PI4KA: variants seen among roughly 807,000 people sequenced by gnomAD.
PI4KA encodes PI4-kinase alpha.
PI4KA carries 122 observed loss-of-function variants against 271.4 expected under a neutral mutation model. The ratio of observed to expected loss-of-function variants is 0.45; its 90% confidence interval spans 0.39 to 0.52. The LOEUF is 0.52. Ranked by LOEUF, PI4KA falls within the 20% of genes least tolerant of loss-of-function variation. PI4KA has a pLI of 0.00. For missense variants in PI4KA, 1,969 were observed against 2,769.1 expected (o/e 0.71, Z 6.48); for synonymous variants, 1,041 against 1,078.8 (o/e 0.96, Z 0.69).
intron 7 of PI4KA, among the ~76,000 whole-genome samples, chr22:20,815,379 C>CAACAAAAAAAAAAAAAAAAAACAAA (rs1921650592): frequency 1.2e-5 from 1 of 83,970 alleles, no homozygotes; most frequent in Non-Finnish European, 2.4e-5. Flanking sequence ...GACTGCGTCT[C>CAACAAAAAAAAAAAAAAAAAACAAA]AAAAAAAAAA....
intron 1 of PI4KA, among the ~76,000 whole-genome samples, chr22:20,841,943 C>T (rs1408058723): frequency 1.3e-5 from 2 of 152,024 alleles, no homozygotes; most frequent in Non-Finnish European, 2.9e-5. Context: ...TGGCTGGGTG[C>T]GGTGGCTCAT....
Position 20,753,143 on chromosome 22 carries a change from T to G in PI4KA, c.2829A>C (p.Val943=). The G allele has an allele frequency of 6.2e-7, 1 of 1,613,742 alleles. No individual in the cohort carries two copies. The change falls in exon 24 of 55, where the codon GTA becomes GTC. Residue 943 remains valine (V), a synonymous_variant. Transcript: ENST00000255882. ...MQCVIAVADK[V]FDAFLNMMAD... ...CCATCATGTTCAGGAAGGCATCGAA[T>G]ACTTTGTCCGCGACTGCAATCACAC...
At chr22:20,801,776 C>T (rs529302260) in intron 14 of PI4KA, among the ~76,000 whole-genome samples, 197 bp downstream of exon 14, 110 of 150,414 alleles carry the variant, frequency 7.3e-4, no homozygotes, top group African/African-American at 2.6e-3. Flanking sequence ...CCCAGCTACT[C>T]GGGGGAGGCT....
At chr22:20,777,327 C>T (rs1933380621) in intron 19 of PI4KA, among the ~76,000 whole-genome samples, 1 of 152,020 alleles carries the variant, frequency 6.6e-6, no homozygotes, top group Non-Finnish European at 1.5e-5. Flanking sequence ...AACGAATCTC[C>T]TGCCTCAGCC....
chr22:20,778,254 A>G (rs905166309), intron 19 of PI4KA, among the ~76,000 whole-genome samples: 4 of 152,162 alleles, frequency 2.6e-5, no homozygotes, highest in African/African-American at 9.6e-5. Flanking sequence ...TAATCCCAGC[A>G]CTTTGGGGGG....
chr22:20,749,537 C>G (rs757266837), intron 28 of PI4KA, among the ~76,000 whole-genome samples: 8 of 152,280 alleles, frequency 5.3e-5, no homozygotes, highest in African/African-American at 1.9e-4. Context: ...GGTCAGGCCC[C>G]TGCCTTTGGG....
In PI4KA at chr22:20,751,759, C is replaced by A. The variant is rs771650693; in HGVS notation, c.2988-4G>T. ...GCTCCAGAGCAAGTGGGGAAACCTG[C>A]ACCAAGAGCCAGCTCTCAGGACCAA... On this transcript the variant is annotated splice_polypyrimidine_tract_variant and splice_region_variant and intron_variant, in intron 25 of 54. Coordinates refer to ENST00000255882, the MANE Select transcript of PI4KA (RefSeq NM_058004.4). 8.7e-6 allele frequency: 14 copies of A among 1,613,612 alleles called. No individual in the cohort carries two copies. In the Admixed American group the frequency reaches 2.0e-4, roughly 23 times the overall value.
chr22:20,856,931 C>T (rs1033868715), intron 1 of PI4KA, among the ~76,000 whole-genome samples: 2 of 152,228 alleles, frequency 1.3e-5, no homozygotes, highest in African/African-American at 4.8e-5. Context: ...ATCCAATTCA[C>T]TGCATTCTCT....
At chr22:20,780,008 C>A in intron 19 of PI4KA, 4 of 1,614,152 alleles carry the variant, frequency 2.5e-6, no homozygotes, top group Non-Finnish European at 3.4e-6. Context: ...AGTTTCCAAT[C>A]CTGCTTGACT....
At chr22:20,782,893 AG>A (rs1402852239) in intron 19 of PI4KA, among the ~76,000 whole-genome samples, 1 of 152,200 alleles carries the variant, frequency 6.6e-6, no homozygotes, top group Non-Finnish European at 1.5e-5. Context: ...ACAGGCAGGC[AG>A]GAGCTGTCTG....
chr22:20,736,845 G>A (rs1487056309), intron 32 of PI4KA: 1 of 153,256 alleles, frequency 6.5e-6, no homozygotes, highest in Non-Finnish European at 1.5e-5. Flanking sequence ...CTACAGTAAA[G>A]GGAGGGACCT....
chr22:20,737,913 G>A (rs1243279584), intron 32 of PI4KA, among the ~76,000 whole-genome samples: 2 of 151,642 alleles, frequency 1.3e-5, no homozygotes, highest in Non-Finnish European at 3.0e-5. Flanking sequence ...TTACAGGCGT[G>A]AGCCACTGCG....
intron 41 of PI4KA, 57 bp downstream of exon 41, chr22:20,727,173 G>A (rs1927452250): frequency 3.9e-6 from 6 of 1,527,696 alleles, no homozygotes; most frequent in African/African-American, 1.4e-5. Flanking sequence ...CTCTCACCAG[G>A]TAAGACCCCT....
chr22:20,824,489 T>C (rs1025141010), intron 3 of PI4KA, 75 bp from the exon 4 acceptor site: 1 of 1,015,204 alleles, frequency 9.9e-7, no homozygotes, highest in African/African-American at 1.6e-5. Flanking sequence ...TCCAATTCAA[T>C]ATGTTCCCTC....
intron 42 of PI4KA, 137 bp downstream of exon 42, chr22:20,726,351 G>A: frequency 1.6e-5 from 10 of 622,958 alleles, no homozygotes; most frequent in Non-Finnish European, 2.6e-5. Flanking sequence ...GGGGTAGGGG[G>A]AGCAAGGGGA....
At position 20,729,617 on chromosome 22, in the gene PI4KA, A is replaced by AC; in HGVS notation, c.4488+14dup. Reference sequence around the variant, plus strand: ...GGTGGCGGGCAGCAGGCACAGCTGCACCTGTGGGCCTTACCAGCAGGGACA... The same window carrying AC: ...GGTGGCGGGCAGCAGGCACAGCTGCACCCTGTGGGCCTTACCAGCAGGGACA... On this transcript the variant is annotated intron_variant, in intron 38 of 54. Transcript: ENST00000255882. The AC allele has an allele frequency of 6.4e-7, 1 of 1,560,652 alleles. No homozygotes were observed. Among genetic ancestry groups the AC allele is most frequent in the Non-Finnish European group, 8.7e-7 (1 of 1,151,282 alleles).
intron 19 of PI4KA, among the ~76,000 whole-genome samples, chr22:20,776,298 T>C (rs1933266195): frequency 1.3e-5 from 2 of 152,094 alleles, no homozygotes; most frequent in African/African-American, 4.8e-5. Flanking sequence ...CACTCCAGCC[T>C]GGGTGACAGA....
intron 7 of PI4KA, among the ~76,000 whole-genome samples, chr22:20,817,313 T>C (rs1921937512): frequency 6.6e-6 from 1 of 152,138 alleles, no homozygotes; most frequent in Admixed American, 6.6e-5. Flanking sequence ...TGTCCCTTAA[T>C]CTGGGTCTTA....
At chr22:20,849,334 C>T (rs1270802766) in intron 1 of PI4KA, among the ~76,000 whole-genome samples, 1 of 152,132 alleles carries the variant, frequency 6.6e-6, no homozygotes, top group African/African-American at 2.4e-5. Context: ...CCAGCAATTC[C>T]ACATCTAGTT....
Sources: gnomAD v4.1 joint callset for allele counts (sites outside exome capture counted in the v4.1 genomes callset) on GRCh38, gnomAD v4.1.1 for gene constraint, MANE v1.5 for transcripts, NCBI Gene and HGNC (gene_info 2026-07-23, HGNC 2026-07-21) for gene names.